Variants in BLACAT1 observed in about 807,000 individuals in gnomAD.
The protein encoded by BLACAT1 is BLACAT1 overlapping LEMD1 locus, also known as bladder cancer associated transcript 1.
At chr1:205,445,729 A>C (rs1288546038) in intron 1 of BLACAT1, among the ~76,000 whole-genome samples, 3 of 152,184 alleles carry the variant, frequency 2.0e-5, no homozygotes, top group Non-Finnish European at 4.4e-5. Flanking sequence ...GGCTCGGCAG[A>C]GGCTGGCCCA....
rs548755773 is a variant in BLACAT1 at position 205,440,169 on chromosome 1, T to C, written c.*756A>G. On this transcript the variant is annotated 3_prime_UTR_variant, in exon 2 of 2. Coordinates refer to ENST00000629624, the Ensembl canonical transcript of BLACAT1. The stretch of plus-strand genomic sequence containing the variant: ...AGTCTGGCCACGGCAAGACAGTCCC[T>C]GAGGAGGGGAGTCAGGGCCTGGGGA... 5.3e-5 allele frequency among the ~76,000 whole-genome samples: 8 copies of C among 152,212 alleles called. No individual in the cohort carries two copies. The South Asian group carries it at 6.2e-4, about 12-fold the overall frequency.
intron 1 of BLACAT1, among the ~76,000 whole-genome samples, chr1:205,455,454 C>CAT (rs1247543993): frequency 6.6e-6 from 1 of 152,168 alleles, no homozygotes; most frequent in Non-Finnish European, 1.5e-5. Context: ...ACCAGACAAA[C>CAT]ATATGCACAG....
exon 2 of BLACAT1, among the ~76,000 whole-genome samples, chr1:205,440,313 C>T (rs1003518686): frequency 6.6e-5 from 10 of 152,306 alleles, no homozygotes; most frequent in Admixed American, 1.3e-4. Flanking sequence ...GAGGGAGCCA[C>T]GGAGCCACTG....
rs1026482092 is a variant in BLACAT1, at chr1:205,450,285, T to C, written c.-37+5632A>G. On this transcript the variant is annotated intron_variant, in intron 1 of 1. Transcript: ENST00000629624. This position sits in a 1 kb window ranked among gnomAD's most constrained non-coding sequence, Gnocchi z 4.4. ...CTGAACCAGCCATGTATTACTCACG[T>C]CCCCCTGCCGGGCTATTGGTGCAGA... Among the ~76,000 whole-genome samples the C allele has an allele frequency of 6.6e-6, 1 of 151,922 alleles. No individual in the cohort carries two copies.
rs964368964 is a variant in BLACAT1 at position 205,441,728 on chromosome 1, G to A, written c.-36-666C>T. Among the ~76,000 whole-genome samples, 8 of 152,222 alleles carry A rather than the reference G, an allele frequency of 5.3e-5. No homozygotes were observed. The highest frequency in any genetic ancestry group is 1.3e-4 in the Admixed American group (2 of 15,282). On this transcript the variant is annotated intron_variant, in intron 1 of 1. Transcript: ENST00000629624. The surrounding 1 kb of genome is among the most constrained non-coding windows in gnomAD (Gnocchi z 4.3). ...GCAAAGAGGGTTCTTTTAGCCAACA[G>A]GCTCTTTTATTTAGCACCTATGCTG...
intron 1 of BLACAT1, among the ~76,000 whole-genome samples, chr1:205,451,160 G>T (rs183356470): frequency 1.6e-4 from 25 of 152,292 alleles, no homozygotes; most frequent in African/African-American, 5.3e-4. Flanking sequence ...TGTCCCCCAG[G>T]ATCCCTTTCC....
chr1:205,438,918 C>T (rs74490805), downstream of BLACAT1, among the ~76,000 whole-genome samples: 1,794 of 152,282 alleles, frequency 0.012, 41 homozygotes, highest in African/African-American at 0.041. Flanking sequence ...AAGCTCTCCT[C>T]GGCCACCCGC....
intron 1 of BLACAT1, among the ~76,000 whole-genome samples, chr1:205,453,057 C>T (rs999489333): frequency 9.2e-5 from 14 of 152,074 alleles, no homozygotes; most frequent in Admixed American, 8.5e-4. Context: ...GGCAGCAAAG[C>T]CTGGAAATCT....
intron 1 of BLACAT1, among the ~76,000 whole-genome samples, chr1:205,452,417 G>A (rs1182174143): frequency 6.6e-6 from 1 of 152,180 alleles, no homozygotes; most frequent in Non-Finnish European, 1.5e-5. Context: ...GGCCAGGGGG[G>A]CAAACTGGGC....
downstream of BLACAT1, chr1:205,435,594 A>G (rs1349122614): frequency 6.6e-6 from 1 of 152,224 alleles, no homozygotes; most frequent in African/African-American, 2.4e-5. Flanking sequence ...TTGCTAATTA[A>G]CCAAATTTAA....
intron 1 of BLACAT1, among the ~76,000 whole-genome samples, chr1:205,455,110 C>G (rs6700364): frequency 0.13 from 19,099 of 152,124 alleles, 3,678 homozygotes; most frequent in African/African-American, 0.42. Context: ...AAAGGGAGCA[C>G]CTATCCTTGT....
exon 2 of BLACAT1, among the ~76,000 whole-genome samples, chr1:205,440,005 C>T (rs545717518): frequency 6.6e-6 from 1 of 152,170 alleles, no homozygotes; most frequent in South Asian, 2.1e-4. Flanking sequence ...TCCTAGAGGT[C>T]CCCCCACCCT....
chr1:205,446,182 G>T (rs1666385086), intron 1 of BLACAT1, among the ~76,000 whole-genome samples: 1 of 152,334 alleles, frequency 6.6e-6, no homozygotes, highest in Non-Finnish European at 1.5e-5. Context: ...ACAATCATGT[G>T]AAATATACAA....
chr1:205,455,427 C>T (rs956905090), intron 1 of BLACAT1, among the ~76,000 whole-genome samples: 1 of 152,158 alleles, frequency 6.6e-6, no homozygotes, highest in African/African-American at 2.4e-5. Context: ...TCTCCTGGGG[C>T]CCTCTGTTCC....
At position 205,448,319 on chromosome 1, in the gene BLACAT1, G is replaced by A; in HGVS notation, c.-36-7257C>T. The A allele has an allele frequency of 1.9e-6, 1 of 533,008 alleles. No homozygotes were observed. Among genetic ancestry groups the A allele is most frequent in the Non-Finnish European group, 3.9e-6 (1 of 258,694 alleles). 33.0% of individuals were successfully genotyped at this position (533,008 alleles called of 1,614,324 possible). A position where few individuals can be genotyped will look rare whatever the true frequency, so the allele number is the denominator to read the frequency against. On this transcript the variant is annotated intron_variant, in intron 1 of 1. Coordinates refer to ENST00000629624, the Ensembl canonical transcript of BLACAT1. The surrounding 1 kb of genome is among the most constrained non-coding windows in gnomAD (Gnocchi z 4.7). The stretch of plus-strand genomic sequence containing the variant: ...CAGGAGAAGGAGCTCGCCCCTCACT[G>A]TAGCCCATGGCTTTTAGCCCTACAT...
At chr1:205,438,581 CTG>C (rs1329868665), downstream of BLACAT1, among the ~76,000 whole-genome samples, 1 of 152,210 alleles carries the variant, frequency 6.6e-6, no homozygotes, top group Non-Finnish European at 1.5e-5. Context: ...GAGAAGGAAA[CTG>C]AGGGACAATA....
At position 205,448,391 on chromosome 1, in the gene BLACAT1, G is replaced by A. The variant is rs1666439237; in HGVS notation, c.-36-7329C>T. 1.9e-6 allele frequency: 1 copy of A among 534,396 alleles called. No homozygotes were observed. The highest frequency in any genetic ancestry group is 3.8e-6 in the Non-Finnish European group (1 of 260,018). 33.1% of individuals were successfully genotyped at this position (534,396 alleles called of 1,614,324 possible). A position where few individuals can be genotyped will look rare whatever the true frequency, so the allele number is the denominator to read the frequency against. On this transcript the variant is annotated intron_variant, in intron 1 of 1. Transcript: ENST00000629624. This position sits in a 1 kb window ranked among gnomAD's most constrained non-coding sequence, Gnocchi z 4.7. Reference sequence around the variant, plus strand: ...TAGGAATGAAAAGCCATAGGCCACAGCAGAGTGGAGGGGTCCAGCGGCAGG... The same window carrying A: ...TAGGAATGAAAAGCCATAGGCCACAACAGAGTGGAGGGGTCCAGCGGCAGG...
At chr1:205,445,485 C>T (rs1666372876) in intron 1 of BLACAT1, among the ~76,000 whole-genome samples, 1 of 152,258 alleles carries the variant, frequency 6.6e-6, no homozygotes, top group African/African-American at 2.4e-5. Context: ...TCTCTGGAAT[C>T]ACAGGCCAAG....
chr1:205,435,080 T>C (rs537657511), downstream of BLACAT1: 1 of 152,278 alleles, frequency 6.6e-6, no homozygotes, highest in East Asian at 1.9e-4. Flanking sequence ...CACGAGTCAG[T>C]TCAGCCGAGG....
Sources: gnomAD v4.1 joint callset for allele counts (sites outside exome capture counted in the v4.1 genomes callset) on GRCh38, gnomAD v4.1.1 for gene constraint, Gnocchi (gnomAD v3.1) non-coding constraint, MANE v1.5 for transcripts, NCBI Gene and HGNC (gene_info 2026-07-23, HGNC 2026-07-21) for gene names.